BMP5: variants seen among roughly 807,000 people sequenced by gnomAD.
BMP5 encodes bone morphogenetic protein 5.
Under a neutral mutation model 46.6 loss-of-function variants are expected in BMP5, and 23 were observed. That is an observed-to-expected ratio of 0.49 (90% CI 0.35 to 0.70). BMP5 has a LOEUF of 0.70. BMP5 is among the 30% of genes least tolerant of loss of function. The probability of loss-of-function intolerance (pLI) is 0.00; values close to 1 mark genes in which losing one functional copy is unlikely to be tolerated. For synonymous variants in BMP5, 204 were observed against 191.9 expected, an observed-to-expected ratio of 1.06 and a Z score of -0.52; for missense variants, 545 against 565.6, an observed-to-expected ratio of 0.96 and a Z score of 0.37.
chr6:55,859,792 G>T (rs1450123109), intron 1 of BMP5, among the ~76,000 whole-genome samples: 1 of 152,142 alleles, frequency 6.6e-6, no homozygotes, highest in Non-Finnish European at 1.5e-5. Flanking sequence ...ATAAAGGAAA[G>T]TTTCTTCCAA....
chr6:55,820,637 C>T (rs10214588), intron 1 of BMP5, among the ~76,000 whole-genome samples: 6,780 of 152,082 alleles, frequency 0.045, 494 homozygotes, highest in African/African-American at 0.16. Context: ...AGACTGGTCT[C>T]GAAATCCTGG....
chr6:55,825,388 G>T (rs1037879335), intron 1 of BMP5, among the ~76,000 whole-genome samples: 3 of 151,774 alleles, frequency 2.0e-5, no homozygotes, highest in African/African-American at 7.3e-5. Context: ...TAACATCAAA[G>T]CATACAAGAT....
At chr6:55,862,991 A>G (rs1777558602) in intron 1 of BMP5, among the ~76,000 whole-genome samples, 1 of 152,192 alleles carries the variant, frequency 6.6e-6, no homozygotes, top group African/African-American at 2.4e-5. Flanking sequence ...GAGCAAAGAA[A>G]AAAAATCCTG....
At position 55,774,049 on chromosome 6, in the gene BMP5, C is replaced by T; in HGVS notation, c.1027G>A (p.Asp343Asn). 1.9e-6 allele frequency: 3 copies of T among 1,612,238 alleles called. No homozygotes were observed. Among genetic ancestry groups the T allele is most frequent in the Non-Finnish European group, 2.5e-6 (3 of 1,179,116 alleles). ...QDSSRMSSVGDYNTSEQKQAC... is the reference protein window; with the variant it reads ...QDSSRMSSVGNYNTSEQKQAC... ...AACTGCTGCTCGGGTTTATTCTTACCTCCAACACTGGACATTCTGGAGGAG... is the reference window on the plus strand; with the variant it reads ...AACTGCTGCTCGGGTTTATTCTTACTTCCAACACTGGACATTCTGGAGGAG... Residue 343 changes from aspartate (D) to asparagine (N), a missense_variant and splice_region_variant, in exon 4 of 7, where the codon GAT becomes AAT. Coordinates refer to ENST00000370830, the MANE Select transcript of BMP5 (RefSeq NM_021073.4).
At chr6:55,865,622 T>C (rs1357263887) in intron 1 of BMP5, among the ~76,000 whole-genome samples, 1 of 152,228 alleles carries the variant, frequency 6.6e-6, no homozygotes, top group Non-Finnish European at 1.5e-5. Context: ...GGAAAAATTA[T>C]GTGCATAATG....
chr6:55,860,505 A>T (rs1276870592), intron 1 of BMP5, among the ~76,000 whole-genome samples: 3 of 152,226 alleles, frequency 2.0e-5, no homozygotes, highest in Non-Finnish European at 2.9e-5. Context: ...CTAAATAATT[A>T]GAAATCAGAT....
chr6:55,850,938 A>T (rs1350796462), intron 1 of BMP5, among the ~76,000 whole-genome samples: 1 of 152,186 alleles, frequency 6.6e-6, no homozygotes, highest in Non-Finnish European at 1.5e-5. Flanking sequence ...TTTGTATACC[A>T]TCTAGCATTT....
chr6:55,818,195 G>T (rs1290833465), intron 2 of BMP5, among the ~76,000 whole-genome samples: 1 of 151,610 alleles, frequency 6.6e-6, no homozygotes, highest in Non-Finnish European at 1.5e-5. Context: ...GACTTTAGAT[G>T]ACATGTATAC....
At chr6:55,849,693 A>G (rs1478061623) in intron 1 of BMP5, among the ~76,000 whole-genome samples, 1 of 152,104 alleles carries the variant, frequency 6.6e-6, no homozygotes, top group South Asian at 2.1e-4. Context: ...TATATGTAAG[A>G]TGAAAAGCTT....
chr6:55,803,113 C>A (rs1775890132), intron 2 of BMP5, among the ~76,000 whole-genome samples: 1 of 136,434 alleles, frequency 7.3e-6, no homozygotes, highest in South Asian at 2.3e-4. Flanking sequence ...TGGCAAAACC[C>A]CGTCTCCACT....
intron 3 of BMP5, among the ~76,000 whole-genome samples, chr6:55,794,006 T>C (rs1421276997): frequency 2.0e-5 from 3 of 152,190 alleles, no homozygotes; most frequent in African/African-American, 7.2e-5. Context: ...TACTTACATA[T>C]ACAGGTCTTC....
intron 3 of BMP5, among the ~76,000 whole-genome samples, chr6:55,780,283 A>C (rs1241135225): frequency 1.3e-5 from 2 of 151,756 alleles, no homozygotes; most frequent in Admixed American, 6.6e-5. Context: ...CAGTACCCTG[A>C]CACACTGATA....
chr6:55,847,247 T>C (rs569669659), intron 1 of BMP5, among the ~76,000 whole-genome samples: 1 of 151,974 alleles, frequency 6.6e-6, no homozygotes, highest in Non-Finnish European at 1.5e-5. Flanking sequence ...AGACCCAGGA[T>C]AAATATCCAT....
chr6:55,815,752 A>C (rs2127537066), intron 2 of BMP5, among the ~76,000 whole-genome samples: 1 of 152,318 alleles, frequency 6.6e-6, no homozygotes, highest in South Asian at 2.1e-4. Flanking sequence ...ACGTGAACTA[A>C]GCATCAATAT....
intron 1 of BMP5, among the ~76,000 whole-genome samples, chr6:55,858,965 C>T (rs1196286077): frequency 6.6e-6 from 1 of 151,998 alleles, no homozygotes; most frequent in African/African-American, 2.4e-5. Context: ...TGGGGCCTGT[C>T]GGCGAGTAGG....
At chr6:55,757,371 A>G (rs1292320994) in intron 6 of BMP5, among the ~76,000 whole-genome samples, 1 of 151,988 alleles carries the variant, frequency 6.6e-6, no homozygotes, top group Admixed American at 6.6e-5. Flanking sequence ...GATAGGAGTT[A>G]TTCTATGACC....
chr6:55,759,601 C>T (rs1393853876), intron 5 of BMP5, among the ~76,000 whole-genome samples: 1 of 151,900 alleles, frequency 6.6e-6, no homozygotes, highest in Non-Finnish European at 1.5e-5. Context: ...AGTCTGACAA[C>T]ATCCTAAAGC....
At position 55,833,095 on chromosome 6, in the gene BMP5, G is replaced by A. The variant is rs116474928; in HGVS notation, c.491-13248C>T. Among the ~76,000 whole-genome samples, 865 of 152,186 alleles carry A rather than the reference G, an allele frequency of 5.7e-3. 9 individuals are homozygous for A. The highest frequency in any genetic ancestry group is 0.02 in the African/African-American group (814 of 41,520). ...CATGCCACTGTACTCCAGCCTGTGC[G>A]ACAGAGCAAGATCCTGTCTCTAAGA... On this transcript the variant is annotated intron_variant, in intron 1 of 6. Transcript: ENST00000370830.
intron 2 of BMP5, among the ~76,000 whole-genome samples, chr6:55,799,176 A>G (rs1403780417): frequency 1.3e-5 from 2 of 152,154 alleles, no homozygotes; most frequent in African/African-American, 4.8e-5. Context: ...AAAATGTTTG[A>G]TCAAGACCAA....
Sources: allele counts gnomAD v4.1 joint callset (sites outside exome capture counted in the v4.1 genomes callset), GRCh38; gene constraint gnomAD v4.1.1; transcripts MANE v1.5; gene names NCBI Gene and HGNC (gene_info 2026-07-23, HGNC 2026-07-21).